The following SOBP variants were observed in gnomAD, a reference collection of about 807,000 sequenced individuals.
SOBP encodes sine oculis-binding protein homolog.
In SOBP, 4 loss-of-function variants were observed where a neutral mutation model predicts 53.6. The observed-to-expected ratio is 0.07, with a 90% CI of 0.04 to 0.17. The LOEUF (loss-of-function observed/expected upper bound fraction) is 0.17, where lower values mean the gene tolerates loss of function less well. Ranked by LOEUF, SOBP falls within the 10% of genes least tolerant of loss-of-function variation. The probability of loss-of-function intolerance (pLI) is 1.00; values close to 1 mark genes in which losing one functional copy is unlikely to be tolerated. For missense variants in SOBP, 1,088 were observed against 1,204.7 expected, an observed-to-expected ratio of 0.90 and a Z score of 1.43; for synonymous variants, 584 against 522.6, an observed-to-expected ratio of 1.12 and a Z score of -1.60.
At chr6:107,501,871 A>G (rs1782850338) in intron 1 of SOBP, among the ~76,000 whole-genome samples, 1 of 152,232 alleles carries the variant, frequency 6.6e-6, no homozygotes, top group Non-Finnish European at 1.5e-5. Context: ...TGAAAAGAAT[A>G]TCTATTTAAT....
chr6:107,619,083 G>A (rs9373957), intron 5 of SOBP, among the ~76,000 whole-genome samples: 21,578 of 152,142 alleles, frequency 0.14, 1,801 homozygotes, highest in South Asian at 0.3. Context: ...GGGCCCATGT[G>A]TAGGAATCAC....
At chr6:107,496,277 G>T (rs190354964) in intron 1 of SOBP, among the ~76,000 whole-genome samples, 1 of 152,190 alleles carries the variant, frequency 6.6e-6, no homozygotes, top group Non-Finnish European at 1.5e-5. Flanking sequence ...CACCTGCCAT[G>T]CCTGCCACAA....
intron 5 of SOBP, among the ~76,000 whole-genome samples, chr6:107,614,789 A>G (rs1282962640): frequency 6.6e-6 from 1 of 152,254 alleles, no homozygotes; most frequent in African/African-American, 2.4e-5. Flanking sequence ...TATTTGCTGA[A>G]TGCAAAACCG....
At chr6:107,630,164 G>A (rs1362311078) in intron 5 of SOBP, among the ~76,000 whole-genome samples, 1 of 152,198 alleles carries the variant, frequency 6.6e-6, no homozygotes, top group African/African-American at 2.4e-5. Context: ...AGAGCTCAGT[G>A]CGTAAATCCC....
intron 3 of SOBP, among the ~76,000 whole-genome samples, chr6:107,516,178 T>C (rs1783314664): frequency 6.6e-6 from 1 of 152,144 alleles, no homozygotes; most frequent in Non-Finnish European, 1.5e-5. Flanking sequence ...ATGATCATTA[T>C]GGGCCAGGCA....
At chr6:107,538,161 T>C (rs1295967048) in intron 4 of SOBP, among the ~76,000 whole-genome samples, 5 of 152,218 alleles carry the variant, frequency 3.3e-5, no homozygotes, top group Non-Finnish European at 7.3e-5. Context: ...ATCATGTTAT[T>C]TGGAGTTATA....
intron 6 of SOBP, among the ~76,000 whole-genome samples, chr6:107,639,559 C>T (rs1771216391): frequency 6.6e-6 from 1 of 152,114 alleles, no homozygotes; most frequent in African/African-American, 2.4e-5. Flanking sequence ...AAAAAATATC[C>T]CCCCGAATAA....
intron 5 of SOBP, among the ~76,000 whole-genome samples, chr6:107,588,595 T>C (rs1785645148): frequency 6.6e-6 from 1 of 152,230 alleles, no homozygotes; most frequent in Admixed American, 6.5e-5. Context: ...TGTTTTGGTA[T>C]CAGAATGCTT....
chr6:107,544,325 A>G (rs987717477), intron 4 of SOBP, among the ~76,000 whole-genome samples: 2 of 152,166 alleles, frequency 1.3e-5, no homozygotes, highest in African/African-American at 4.8e-5. Flanking sequence ...TAATTAATCT[A>G]TTTATTTATG....
chr6:107,650,731 A>G (rs1031323011), intron 6 of SOBP, among the ~76,000 whole-genome samples: 3 of 152,174 alleles, frequency 2.0e-5, no homozygotes, highest in Admixed American at 6.5e-5. Context: ...CTGAGATACA[A>G]GATTGAAAGT....
chr6:107,635,527 G>A lies in SOBP; in HGVS notation c.*3+58G>A. 1 of 1,600,534 alleles carries A rather than the reference G, an allele frequency of 6.2e-7. No individual in the cohort carries two copies. Among genetic ancestry groups the A allele is most frequent in the Non-Finnish European group, 8.5e-7 (1 of 1,173,556 alleles). ...AGCCAGTGCACCTCTCCTTACTTCT[G>A]ACAAGGCAGAGGGGAGAGTTGTAAT... On this transcript the variant is annotated intron_variant, in intron 6 of 6. Coordinates refer to ENST00000317357, the MANE Select transcript of SOBP (RefSeq NM_018013.4). The surrounding 1 kb of genome is among the most constrained non-coding windows in gnomAD (Gnocchi z 4.5).
intron 4 of SOBP, among the ~76,000 whole-genome samples, chr6:107,544,040 T>TA (rs547213554): frequency 6.6e-6 from 1 of 152,308 alleles, no homozygotes; most frequent in South Asian, 2.1e-4. Context: ...TTCCTCAGTG[T>TA]AAGTGGCCTA....
chr6:107,644,982 A>G (rs1339178017), intron 6 of SOBP, among the ~76,000 whole-genome samples: 2 of 152,200 alleles, frequency 1.3e-5, no homozygotes, highest in East Asian at 1.9e-4. Flanking sequence ...TTTAGGCAAC[A>G]TGGACCTTAA....
chr6:107,550,599 C>T (rs1026326143), intron 4 of SOBP, among the ~76,000 whole-genome samples: 7 of 152,088 alleles, frequency 4.6e-5, no homozygotes, highest in African/African-American at 7.2e-5. Context: ...GGAACTGATG[C>T]GGGTAAGAAG....
At chr6:107,510,099 A>G (rs1783124545) in intron 3 of SOBP, among the ~76,000 whole-genome samples, 1 of 152,190 alleles carries the variant, frequency 6.6e-6, no homozygotes, top group Admixed American at 6.5e-5. Flanking sequence ...AAAGGGCCAG[A>G]TAGTATTTTA....
intron 5 of SOBP, among the ~76,000 whole-genome samples, chr6:107,593,991 C>T (rs1785852275): frequency 6.6e-6 from 1 of 152,190 alleles, no homozygotes; most frequent in Admixed American, 6.5e-5. Context: ...TTATGAAGTA[C>T]TGCAGTATCT....
At chr6:107,515,474 T>C (rs9480779) in intron 3 of SOBP, among the ~76,000 whole-genome samples, 18,827 of 152,168 alleles carry the variant, frequency 0.12, 1,889 homozygotes, top group African/African-American at 0.26. Context: ...TCTGTCTGGG[T>C]GTGGTGGCTC....
At chr6:107,559,721 A>G (rs763730320) in intron 4 of SOBP, among the ~76,000 whole-genome samples, 8 of 152,356 alleles carry the variant, frequency 5.3e-5, no homozygotes, top group African/African-American at 1.4e-4. Context: ...GGTAATTGTC[A>G]TATGAAACCT....
chr6:107,656,311 G>C (rs1772040920), intron 6 of SOBP, among the ~76,000 whole-genome samples: 1 of 13,460 alleles, frequency 7.4e-5, no homozygotes, highest in Admixed American at 8.5e-4. Flanking sequence ...AAGAAAGAAA[G>C]AAAGAAAGAA....
Sources: allele counts gnomAD v4.1 joint callset (sites outside exome capture counted in the v4.1 genomes callset), GRCh38; gene constraint gnomAD v4.1.1; non-coding constraint Gnocchi (gnomAD v3.1); transcripts MANE v1.5; gene names NCBI Gene and HGNC (gene_info 2026-07-23, HGNC 2026-07-21).